The following AGBL4 variants were observed in gnomAD, a reference collection of about 807,000 sequenced individuals.
AGBL4 encodes the protein AGBL carboxypeptidase 4.
AGBL4 carries 58 observed loss-of-function variants against 66.4 expected under a neutral mutation model. The observed-to-expected ratio is 0.87, with a 90% confidence interval of 0.71 to 1.09. The LOEUF is 1.09. AGBL4 is among the 50% of genes least tolerant of loss of function. The pLI is 0.00. For missense variants in AGBL4, 579 were observed against 631.0 expected, an observed-to-expected ratio of 0.92 and a Z score of 0.88; for synonymous variants, 234 against 222.9, an observed-to-expected ratio of 1.05 and a Z score of -0.44.
intron 6 of AGBL4, among the ~76,000 whole-genome samples, chr1:48,669,288 T>C (rs1646239399): frequency 6.6e-6 from 1 of 152,206 alleles, no homozygotes; most frequent in South Asian, 2.1e-4. Flanking sequence ...GCTTCACCTA[T>C]AATAGCAGGT....
chr1:48,849,100 TGAA>T (rs1440802241), intron 6 of AGBL4, among the ~76,000 whole-genome samples: 1 of 152,192 alleles, frequency 6.6e-6, no homozygotes, highest in Non-Finnish European at 1.5e-5. Context: ...AGGAAAATAA[TGAA>T]GAAGGCAGGA....
chr1:49,991,895 G>C (rs1035656032), intron 1 of AGBL4, among the ~76,000 whole-genome samples: 1 of 152,056 alleles, frequency 6.6e-6, no homozygotes, highest in African/African-American at 2.4e-5. Context: ...GCTTAAGCAA[G>C]TTATTATATA....
intron 8 of AGBL4, among the ~76,000 whole-genome samples, chr1:48,651,824 C>T (rs1030388110): frequency 4.6e-5 from 7 of 152,168 alleles, no homozygotes; most frequent in South Asian, 2.1e-4. Flanking sequence ...AGTTAGGCCA[C>T]GGACTTTGAG....
chr1:49,987,192 A>G (rs532067790), intron 1 of AGBL4, among the ~76,000 whole-genome samples: 1 of 152,230 alleles, frequency 6.6e-6, no homozygotes, highest in South Asian at 2.1e-4. Context: ...CCAAATCATT[A>G]GAGTAATTCT....
At chr1:49,878,115 T>G (rs1201953430) in intron 1 of AGBL4, among the ~76,000 whole-genome samples, 2 of 148,684 alleles carry the variant, frequency 1.3e-5, no homozygotes, top group Non-Finnish European at 3.0e-5. Flanking sequence ...AACCAGCTCC[T>G]GGATTCACTG....
intron 4 of AGBL4, among the ~76,000 whole-genome samples, chr1:49,233,815 C>T (rs891935890): frequency 6.6e-6 from 1 of 152,116 alleles, no homozygotes; most frequent in African/African-American, 2.4e-5. Flanking sequence ...CAGTTAACTA[C>T]CAAAATCCAT....
intron 4 of AGBL4, among the ~76,000 whole-genome samples, chr1:49,141,882 C>T (rs1026329666): frequency 2.0e-5 from 3 of 152,116 alleles, no homozygotes; most frequent in African/African-American, 7.2e-5. Flanking sequence ...TTTCTGCTGG[C>T]TTTATAAAGT....
At chr1:49,333,339 G>A (rs892253597) in intron 3 of AGBL4, among the ~76,000 whole-genome samples, 6 of 152,206 alleles carry the variant, frequency 3.9e-5, no homozygotes, top group South Asian at 2.1e-4. Context: ...TTACCTGGGC[G>A]TGGTGGCGCA....
At chr1:48,741,412 C>T (rs77183810) in intron 6 of AGBL4, among the ~76,000 whole-genome samples, 3,845 of 152,306 alleles carry the variant, frequency 0.025, 161 homozygotes, top group African/African-American at 0.088. Flanking sequence ...TCCAGGCTGC[C>T]GACTTCCAAC....
chr1:49,950,060 A>G (rs1431234868), intron 1 of AGBL4, among the ~76,000 whole-genome samples: 3 of 142,652 alleles, frequency 2.1e-5, no homozygotes, highest in African/African-American at 7.6e-5. Context: ...GTGTATATAT[A>G]CACACATATA....
At chr1:49,719,691 T>C (rs1648442813) in intron 2 of AGBL4, among the ~76,000 whole-genome samples, 1 of 152,134 alleles carries the variant, frequency 6.6e-6, no homozygotes, top group Admixed American at 6.6e-5. Context: ...TTTGGCTGTG[T>C]CCCCACCCAA....
intron 2 of AGBL4, chr1:49,841,792 A>G (rs1645996322): frequency 3.0e-6 from 1 of 338,190 alleles, no homozygotes; most frequent in African/African-American, 2.2e-5. Context: ...GCAGTCTGAC[A>G]ATGTGATAAA....
chr1:48,663,412 G>A (rs1646138692), intron 6 of AGBL4, among the ~76,000 whole-genome samples, 171 bp from the exon 7 acceptor site: 1 of 152,078 alleles, frequency 6.6e-6, no homozygotes, highest in Admixed American at 6.5e-5. Flanking sequence ...ATTTAATTAT[G>A]TCCCTACCCA....
At chr1:49,295,092 A>G (rs538648018) in intron 3 of AGBL4, among the ~76,000 whole-genome samples, 1 of 152,296 alleles carries the variant, frequency 6.6e-6, no homozygotes, top group Admixed American at 6.5e-5. Context: ...TCCAGCATCC[A>G]TGTCTTTGTT....
chr1:48,741,540 G>A lies in AGBL4; in HGVS notation c.635-78299C>T, dbSNP rs539998694. 9.2e-5 allele frequency among the ~76,000 whole-genome samples: 14 copies of A among 152,336 alleles called. 1 individual carries two copies. The South Asian group carries it at 2.3e-3, about 25-fold the overall frequency. On this transcript the variant is annotated intron_variant, in intron 6 of 13. Coordinates refer to ENST00000371839, the MANE Select transcript of AGBL4 (RefSeq NM_032785.4). ...GCTTTGCCTCTGCAGGGGAGGAGGC[G>A]CTCAGTGGGAGATGCAGGGAACGAC...
intron 1 of AGBL4, among the ~76,000 whole-genome samples, chr1:50,015,367 A>C (rs75866332): frequency 6.6e-6 from 1 of 152,220 alleles, no homozygotes; most frequent in Non-Finnish European, 1.5e-5. Flanking sequence ...TTTATAATAC[A>C]TCTGTGAATT....
intron 6 of AGBL4, among the ~76,000 whole-genome samples, chr1:48,774,393 C>T (rs1294199579): frequency 6.6e-6 from 1 of 152,142 alleles, no homozygotes; most frequent in Non-Finnish European, 1.5e-5. Flanking sequence ...CCTGGCCCTT[C>T]GATCAGGTCT....
intron 3 of AGBL4, among the ~76,000 whole-genome samples, chr1:49,565,654 A>G (rs915534567): frequency 2.0e-5 from 3 of 152,084 alleles, no homozygotes; most frequent in African/African-American, 4.8e-5. Context: ...TGGCTTGTAG[A>G]GTTTCTGCCG....
intron 2 of AGBL4, among the ~76,000 whole-genome samples, chr1:49,792,071 A>G (rs1644614808): frequency 6.6e-6 from 1 of 152,100 alleles, no homozygotes; most frequent in Admixed American, 6.5e-5. Flanking sequence ...CAAAATTTGC[A>G]TGCCCAGCAG....
Sources: gnomAD v4.1 joint callset for allele counts (sites outside exome capture counted in the v4.1 genomes callset) on GRCh38, gnomAD v4.1.1 for gene constraint, MANE v1.5 for transcripts, NCBI Gene and HGNC (gene_info 2026-07-23, HGNC 2026-07-21) for gene names.